Variants in WASHC3 observed in about 807,000 individuals in gnomAD.
WASHC3 encodes WASH complex subunit CCDC53.
WASHC3 carries 24 observed loss-of-function variants against 26.1 expected under a neutral mutation model. The observed-to-expected ratio is 0.92, with a 90% CI of 0.66 to 1.29. WASHC3 has a LOEUF of 1.29. WASHC3 is among the 50% of genes most tolerant of loss of function. The pLI, the probability that WASHC3 is intolerant of heterozygous loss-of-function variation, is 0.00. For missense variants in WASHC3, 214 were observed against 229.6 expected, an observed-to-expected ratio of 0.93 and a Z score of 0.44; for synonymous variants, 77 against 75.7, an observed-to-expected ratio of 1.02 and a Z score of -0.09.
chr12:102,018,504 A>G (rs777604990), intron 6 of WASHC3, among the ~76,000 whole-genome samples: 1 of 152,190 alleles, frequency 6.6e-6, no homozygotes, highest in Non-Finnish European at 1.5e-5. Flanking sequence ...ACAAGGTCTC[A>G]TTCTGTTGCC....
At chr12:102,036,931 T>A (rs1877688405) in intron 5 of WASHC3, among the ~76,000 whole-genome samples, 1 of 152,222 alleles carries the variant, frequency 6.6e-6, no homozygotes, top group Non-Finnish European at 1.5e-5. Context: ...TAAGGCTTTT[T>A]AAAAATAAAA....
chr12:102,013,710 A>C (rs1180339415), intron 6 of WASHC3, among the ~76,000 whole-genome samples: 4 of 152,246 alleles, frequency 2.6e-5, no homozygotes, highest in African/African-American at 9.6e-5. Flanking sequence ...TGGTCGAAGA[A>C]GGTTCTTAAT....
intron 5 of WASHC3, among the ~76,000 whole-genome samples, chr12:102,033,615 A>G (rs1424433123): frequency 6.6e-6 from 1 of 152,118 alleles, no homozygotes; most frequent in Non-Finnish European, 1.5e-5. Context: ...AAGGTGAAAG[A>G]CCTTGTGGCA....
chr12:102,039,813 G>T (rs998614984), intron 5 of WASHC3, 55 bp downstream of exon 5: 7 of 780,216 alleles, frequency 9.0e-6, no homozygotes, highest in East Asian at 2.7e-5. Flanking sequence ...AACCTCCAGG[G>T]TTAAGAATTT....
upstream of WASHC3, chr12:102,062,099 C>T (rs1035326766): frequency 1.3e-4 from 86 of 681,300 alleles, no homozygotes; most frequent in African/African-American, 1.4e-3. Flanking sequence ...AAAGCTTCTC[C>T]GCTCACTAAT....
At chr12:102,043,360 C>G (rs1030503972) in intron 4 of WASHC3, among the ~76,000 whole-genome samples, 2 of 151,988 alleles carry the variant, frequency 1.3e-5, no homozygotes, top group Non-Finnish European at 2.9e-5. Flanking sequence ...ACCTCTGCCT[C>G]GTGGGCTCAA....
intron 2 of WASHC3, among the ~76,000 whole-genome samples, chr12:102,054,531 T>C (rs556126895): frequency 6.6e-6 from 1 of 152,258 alleles, no homozygotes; most frequent in African/African-American, 2.4e-5. Context: ...CATGGACATA[T>C]CATCCAGGCA....
chr12:102,037,393 C>T (rs117428494), intron 5 of WASHC3, among the ~76,000 whole-genome samples: 2 of 152,080 alleles, frequency 1.3e-5, no homozygotes, highest in Non-Finnish European at 2.9e-5. Context: ...GCAGAGAAGG[C>T]GTAAAGGGAA....
intron 4 of WASHC3, among the ~76,000 whole-genome samples, chr12:102,043,242 G>A (rs949158174): frequency 3.3e-5 from 5 of 152,088 alleles, no homozygotes; most frequent in Non-Finnish European, 7.4e-5. Flanking sequence ...CAAGGGGTTA[G>A]ACAATACCAG....
Position 102,044,181 on chromosome 12 carries a change from G to T in WASHC3, c.248C>A (p.Thr83Lys), listed in dbSNP as rs201459333. ...LSSIPGLDDV[T>K]VEVSPLNVTS... ...GACATTTAAAGGAGATACTTCAACT[G>T]TGACATCATCTAGGCCTGGGATAGA... The change falls in exon 4 of 7, where the codon ACA becomes AAA. Residue 83 changes from threonine (T) to lysine (K), a missense_variant. Transcript: ENST00000240079. The T allele has an allele frequency of 5.4e-4, 862 of 1,608,990 alleles. 5 individuals are homozygous for T. The Middle Eastern group carries it at 9.6e-3, about 18-fold the overall frequency.
At chr12:102,013,540 T>G (rs1876572533) in intron 6 of WASHC3, among the ~76,000 whole-genome samples, 1 of 152,058 alleles carries the variant, frequency 6.6e-6, no homozygotes, top group Non-Finnish European at 1.5e-5. Context: ...AGCTTCCAAG[T>G]GTACATGAGG....
chr12:102,061,767 T>C, intron 1 of WASHC3, 145 bp downstream of exon 1: 1 of 630,228 alleles, frequency 1.6e-6, no homozygotes, highest in Non-Finnish European at 2.7e-6. Context: ...TGTGGGGCTC[T>C]CCCTCCTGAG....
intron 2 of WASHC3, among the ~76,000 whole-genome samples, chr12:102,047,088 G>A (rs185970092): frequency 1.2e-3 from 185 of 152,270 alleles, no homozygotes; most frequent in African/African-American, 4.1e-3. Context: ...GTACCTCTGT[G>A]TAAATATACA....
At chr12:102,013,228 TC>T in intron 6 of WASHC3, 36 bp from the exon 7 acceptor site, 3 of 1,092,472 alleles carry the variant, frequency 2.7e-6, no homozygotes, top group Non-Finnish European at 2.7e-6. Flanking sequence ...AAAGGTCTTT[TC>T]CAATTGAAAA....
chr12:102,013,470 C>A (rs2121307202), intron 6 of WASHC3, among the ~76,000 whole-genome samples: 1 of 152,276 alleles, frequency 6.6e-6, no homozygotes, highest in East Asian at 1.9e-4. Context: ...ACCATGGAGA[C>A]CCAATTATAG....
Position 102,061,898 on chromosome 12 carries a change from C to G in WASHC3, c.51+14G>C, listed in dbSNP as rs1015196220. The G allele has an allele frequency of 1.9e-6, 3 of 1,592,218 alleles. No individual in the cohort carries two copies. Among genetic ancestry groups the G allele is most frequent in the African/African-American group, 2.7e-5 (2 of 74,580 alleles). ...TCCCGGCTCGTCGGGAGTCTAGCAC[C>G]GTCTTTTACAAACCTTGGTCAGGTC... On this transcript the variant is annotated intron_variant, in intron 1 of 6. Transcript: ENST00000240079.
chr12:102,019,022 TTCC>T (rs1876838362), intron 6 of WASHC3, among the ~76,000 whole-genome samples: 1 of 151,902 alleles, frequency 6.6e-6, no homozygotes, highest in Admixed American at 6.6e-5. Context: ...TGGTCTCGAA[TTCC>T]TGACCTCAGG....
intron 5 of WASHC3, among the ~76,000 whole-genome samples, chr12:102,031,021 G>A (rs117318293): frequency 8.9e-4 from 135 of 152,242 alleles, no homozygotes; most frequent in Non-Finnish European, 1.7e-3. Context: ...TCTGTACACA[G>A]TATGACTGGT....
intron 5 of WASHC3, among the ~76,000 whole-genome samples, chr12:102,033,889 A>T (rs118144879): frequency 0.043 from 6,532 of 152,188 alleles, 210 homozygotes; most frequent in Non-Finnish European, 0.066. Context: ...ATACTAATGG[A>T]CAAATTAGAA....
Sources: gnomAD v4.1 joint callset for allele counts (sites outside exome capture counted in the v4.1 genomes callset) on GRCh38, gnomAD v4.1.1 for gene constraint, MANE v1.5 for transcripts, NCBI Gene and HGNC (gene_info 2026-07-23, HGNC 2026-07-21) for gene names.